Variants in ADORA2B observed in about 807,000 individuals in gnomAD.
The protein encoded by ADORA2B is adenosine A2b receptor.
In ADORA2B, 18 loss-of-function variants were observed where a neutral mutation model predicts 20.8. The ratio of observed to expected loss-of-function variants is 0.87; its 90% CI spans 0.60 to 1.29. The LOEUF is 1.29. Ranked by LOEUF, ADORA2B falls within the 50% of genes most tolerant of loss-of-function variation. The pLI is 0.00. For synonymous variants in ADORA2B, 179 were observed against 178.3 expected (o/e 1.00, Z -0.03); for missense variants, 441 against 422.7 (o/e 1.04, Z -0.38).
the ADORA2B span, among the ~76,000 whole-genome samples, chr17:15,884,436 C>T: frequency 6.6e-6 from 1 of 151,942 alleles, no homozygotes; most frequent in African/African-American, 2.4e-5. Context: ...GGTACACGTT[C>T]AGGATGTGTA....
chr17:15,936,889 G>A, the ADORA2B span, among the ~76,000 whole-genome samples: 27 of 152,286 alleles, frequency 1.8e-4, no homozygotes, highest in East Asian at 7.7e-4. Context: ...CCAGGAGTTC[G>A]AGACTGCAGT....
At chr17:15,954,119 C>T (rs1325612437) in intron 1 of ADORA2B, among the ~76,000 whole-genome samples, 2 of 152,102 alleles carry the variant, frequency 1.3e-5, no homozygotes, top group Non-Finnish European at 2.9e-5. Context: ...GCTGGGATTA[C>T]AGGCACGTGC....
the ADORA2B span, among the ~76,000 whole-genome samples, chr17:15,890,761 C>G: frequency 6.6e-6 from 1 of 152,132 alleles, no homozygotes; most frequent in Non-Finnish European, 1.5e-5. Flanking sequence ...AGCAGCCCCA[C>G]TGGCTAAGAA....
chr17:15,854,989 G>T, the ADORA2B span, among the ~76,000 whole-genome samples: 94 of 151,606 alleles, frequency 6.2e-4, no homozygotes, highest in Non-Finnish European at 1.2e-3. Context: ...GAGTGCAATG[G>T]CACCATCTTG....
chr17:15,939,063 C>T, the ADORA2B span, among the ~76,000 whole-genome samples: 1 of 152,022 alleles, frequency 6.6e-6, no homozygotes, highest in Non-Finnish European at 1.5e-5. Flanking sequence ...TTTTTTGAGG[C>T]AGAGTCTCTC....
chr17:15,922,029 A>C, the ADORA2B span, among the ~76,000 whole-genome samples: 2 of 152,236 alleles, frequency 1.3e-5, no homozygotes, highest in Admixed American at 1.3e-4. Context: ...TGTGTAGGGA[A>C]TTAGAAGTCT....
At chr17:15,922,953 C>A in the ADORA2B span, among the ~76,000 whole-genome samples, 1 of 152,104 alleles carries the variant, frequency 6.6e-6, no homozygotes, top group Non-Finnish European at 1.5e-5. Context: ...TTTTAAAATT[C>A]TGTTTGTGTT....
chr17:15,949,472 C>T (rs557553931), intron 1 of ADORA2B, among the ~76,000 whole-genome samples: 17 of 151,926 alleles, frequency 1.1e-4, no homozygotes, highest in East Asian at 9.7e-4. Flanking sequence ...AGGATCACAC[C>T]GCTGCACTCC....
the ADORA2B span, among the ~76,000 whole-genome samples, chr17:15,929,704 G>A: frequency 6.6e-6 from 1 of 152,212 alleles, no homozygotes; most frequent in African/African-American, 2.4e-5. Context: ...AAGAAATTCT[G>A]ACAACAGTGC....
the ADORA2B span, among the ~76,000 whole-genome samples, chr17:15,877,219 C>T: frequency 6.6e-6 from 1 of 152,298 alleles, no homozygotes; most frequent in Non-Finnish European, 1.5e-5. Flanking sequence ...ATACGAATTT[C>T]GCTGAAGATT....
At chr17:15,922,848 T>C in the ADORA2B span, among the ~76,000 whole-genome samples, 2 of 152,240 alleles carry the variant, frequency 1.3e-5, no homozygotes, top group African/African-American at 4.8e-5. Flanking sequence ...CAGAGTGTGC[T>C]ATCAGACATT....
chr17:15,873,181 TTC>T, the ADORA2B span, among the ~76,000 whole-genome samples: 7 of 152,348 alleles, frequency 4.6e-5, no homozygotes, highest in East Asian at 1.3e-3. Context: ...TTGTTTTTAA[TTC>T]TGTTTATGCG....
chr17:15,863,008 T>C, the ADORA2B span, among the ~76,000 whole-genome samples: 1 of 152,212 alleles, frequency 6.6e-6, no homozygotes, highest in African/African-American at 2.4e-5. Context: ...ATGTAGCCTA[T>C]ATTTGCACCC....
the ADORA2B span, among the ~76,000 whole-genome samples, chr17:15,924,374 G>A: frequency 1.3e-5 from 2 of 151,902 alleles, no homozygotes; most frequent in African/African-American, 4.8e-5. Flanking sequence ...GATGCATTTG[G>A]GATTTATCTT....
At chr17:15,952,801 A>G (rs1016099855) in intron 1 of ADORA2B, among the ~76,000 whole-genome samples, 2 of 152,062 alleles carry the variant, frequency 1.3e-5, no homozygotes, top group Non-Finnish European at 2.9e-5. Flanking sequence ...CTGAGGCCCA[A>G]CCTTTCCTTT....
chr17:15,923,407 A>ATATT, the ADORA2B span, among the ~76,000 whole-genome samples: 33 of 120,260 alleles, frequency 2.7e-4, no homozygotes, highest in African/African-American at 1.1e-3. Flanking sequence ...ATATATATAT[A>ATATT]TTTTTTTTTT....
chr17:15,854,926 C>CT, the ADORA2B span, among the ~76,000 whole-genome samples: 2,175 of 140,800 alleles, frequency 0.015, 39 homozygotes, highest in African/African-American at 0.047. Context: ...GGATTTAACT[C>CT]TTTTTTTTTT....
At chr17:15,903,410 G>C in the ADORA2B span, among the ~76,000 whole-genome samples, 1 of 152,166 alleles carries the variant, frequency 6.6e-6, no homozygotes, top group African/African-American at 2.4e-5. Flanking sequence ...AGATACAGTG[G>C]GAACTCTGCT....
the ADORA2B span, among the ~76,000 whole-genome samples, chr17:15,873,355 C>T: frequency 6.6e-6 from 1 of 151,882 alleles, no homozygotes; most frequent in Non-Finnish European, 1.5e-5. Flanking sequence ...TGACTAAGAC[C>T]CCAAAAGCAA....
Sources: gnomAD v4.1 joint callset for allele counts (sites outside exome capture counted in the v4.1 genomes callset) on GRCh38, gnomAD v4.1.1 for gene constraint, MANE v1.5 for transcripts, NCBI Gene and HGNC (gene_info 2026-07-23, HGNC 2026-07-21) for gene names.